Variants in STK24 observed in about 807,000 individuals in gnomAD.
The protein encoded by STK24 is serine/threonine kinase 24.
STK24 carries 21 observed loss-of-function variants against 55.6 expected under a neutral mutation model. The observed-to-expected ratio is 0.38, with a 90% CI of 0.27 to 0.54. STK24 has a LOEUF of 0.54. Ranked by LOEUF, STK24 falls within the 20% of genes least tolerant of loss-of-function variation. STK24 has a pLI of 0.79. For missense variants in STK24, 383 were observed against 538.4 expected, an observed-to-expected ratio of 0.71 and a Z score of 2.86; for synonymous variants, 200 against 215.2, an observed-to-expected ratio of 0.93 and a Z score of 0.62.
Position 98,544,674 on chromosome 13 carries a change from C to G in STK24, c.43-25201G>C, listed in dbSNP as rs1408629851. 5.3e-5 allele frequency among the ~76,000 whole-genome samples: 8 copies of G among 152,206 alleles called. No homozygotes were observed. In the South Asian group the frequency reaches 1.7e-3, roughly 31 times the overall value. ...ATCCACACCGAGGCATGCGGAGACG[C>G]CTCTACAAGGAAAGACAGTGGTGAA... On this transcript the variant is annotated intron_variant, in intron 1 of 10. Coordinates refer to ENST00000539966, the MANE Select transcript of STK24 (RefSeq NM_001032296.4).
At chr13:98,498,291 C>CA (rs1277049275) in intron 2 of STK24, among the ~76,000 whole-genome samples, 9 of 152,236 alleles carry the variant, frequency 5.9e-5, no homozygotes, top group Non-Finnish European at 1.5e-5. Flanking sequence ...TGTCACTGGA[C>CA]AAAGTGGTGA....
intron 1 of STK24, among the ~76,000 whole-genome samples, chr13:98,531,525 A>G (rs1177568974): frequency 6.6e-6 from 1 of 152,182 alleles, no homozygotes; most frequent in Non-Finnish European, 1.5e-5. Context: ...GGACTCCCCC[A>G]GTCAGATCCT....
At chr13:98,542,926 G>A in intron 1 of STK24, 1 of 985,424 alleles carries the variant, frequency 1.0e-6, no homozygotes. Context: ...ACAGGAACGG[G>A]TGTATTTGTG....
intron 2 of STK24, among the ~76,000 whole-genome samples, chr13:98,501,250 GA>G (rs1325271971): frequency 1.3e-5 from 2 of 152,240 alleles, no homozygotes; most frequent in Non-Finnish European, 2.9e-5. Flanking sequence ...GAAACCCCAG[GA>G]GGGGAATCGC....
chr13:98,503,547 G>C (rs1357577180), intron 2 of STK24, among the ~76,000 whole-genome samples: 1 of 152,184 alleles, frequency 6.6e-6, no homozygotes, highest in Admixed American at 6.5e-5. Flanking sequence ...GCAAGGGCAA[G>C]GACTGCGGAC....
At chr13:98,547,773 T>A (rs1296110402) in intron 1 of STK24, among the ~76,000 whole-genome samples, 1 of 152,208 alleles carries the variant, frequency 6.6e-6, no homozygotes, top group African/African-American at 2.4e-5. Context: ...TTCGCCTTAT[T>A]ACCAACTCTT....
At chr13:98,560,271 CT>C (rs1252360954) in intron 1 of STK24, among the ~76,000 whole-genome samples, 1 of 152,224 alleles carries the variant, frequency 6.6e-6, no homozygotes. Context: ...AATATTGCCC[CT>C]GACCCACTTA....
intron 2 of STK24, among the ~76,000 whole-genome samples, chr13:98,518,507 T>TA (rs1486390014): frequency 8.5e-5 from 13 of 152,228 alleles, no homozygotes; most frequent in African/African-American, 2.9e-4. Context: ...AACCCCATTT[T>TA]AAAGGTTACA....
rs553990601 is a variant in STK24, at chr13:98,447,945, G to A, written c.*5228C>T. 32 of 452,870 alleles carry A rather than the reference G, an allele frequency of 7.1e-5. No individual in the cohort carries two copies. The highest frequency in any genetic ancestry group is 1.6e-4 in the East Asian group (4 of 24,616). The allele number at this position is 452,870 out of a possible 1,614,324, so 28.1% of individuals were successfully genotyped here. A position where few individuals can be genotyped will look rare whatever the true frequency, so the allele number is the denominator to read the frequency against. ...CATGTCCATGAAAATAGGAGGTAGC[G>A]TTCTCCCCAGCAACCAGAGGCCACC... On this transcript the variant is annotated 3_prime_UTR_variant, in exon 11 of 11. Transcript: ENST00000539966.
At chr13:98,454,740 CAGCCATCGG>C (rs2139235771) in intron 10 of STK24, 1 of 152,328 alleles carries the variant, frequency 6.6e-6, no homozygotes, top group Non-Finnish European at 1.5e-5. Context: ...GTGGTTTTGG[CAGCCATCGG>C]GGTGAACGCT....
intron 1 of STK24, among the ~76,000 whole-genome samples, chr13:98,558,008 T>C (rs1897319875): frequency 6.6e-6 from 1 of 152,214 alleles, no homozygotes; most frequent in Non-Finnish European, 1.5e-5. Context: ...AGATACTTAA[T>C]TACCCCCTCC....
chr13:98,484,819 G>A (rs1894745374), intron 2 of STK24, among the ~76,000 whole-genome samples: 1 of 152,164 alleles, frequency 6.6e-6, no homozygotes, highest in Non-Finnish European at 1.5e-5. Flanking sequence ...CCCCGCCTCA[G>A]GACCAAGGCC....
intron 1 of STK24, among the ~76,000 whole-genome samples, chr13:98,570,780 A>AG (rs1183133939): frequency 3.9e-5 from 6 of 152,196 alleles, no homozygotes; most frequent in Non-Finnish European, 8.8e-5. Context: ...CACCCTCAGG[A>AG]GGCAGGTTAT....
At chr13:98,539,572 A>G (rs80163183) in intron 1 of STK24, among the ~76,000 whole-genome samples, 1 of 10,872 alleles carries the variant, frequency 9.2e-5, no homozygotes, top group South Asian at 1.6e-3. Flanking sequence ...ATTTAAAAAC[A>G]AAAAAAAAAG....
At chr13:98,520,992 A>T (rs1302955464) in intron 1 of STK24, among the ~76,000 whole-genome samples, 2 of 152,248 alleles carry the variant, frequency 1.3e-5, no homozygotes, top group East Asian at 3.8e-4. Context: ...CGTGGTGGAC[A>T]TATACCCAAC....
At chr13:98,543,879 C>T (rs188075157) in intron 1 of STK24, among the ~76,000 whole-genome samples, 9 of 152,328 alleles carry the variant, frequency 5.9e-5, no homozygotes, top group African/African-American at 1.4e-4. Context: ...AAACCACATG[C>T]TATACAAAAG....
At chr13:98,490,849 G>C (rs931707360) in intron 2 of STK24, among the ~76,000 whole-genome samples, 2 of 148,742 alleles carry the variant, frequency 1.3e-5, no homozygotes, top group African/African-American at 2.5e-5. Flanking sequence ...AAAAAAAACA[G>C]AACACTGGAG....
chr13:98,563,515 T>G (rs967933820), intron 1 of STK24, among the ~76,000 whole-genome samples: 1 of 152,176 alleles, frequency 6.6e-6, no homozygotes, highest in African/African-American at 2.4e-5. Context: ...GTCAATCCCC[T>G]AAGTCTGTAT....
intron 6 of STK24, among the ~76,000 whole-genome samples, chr13:98,465,263 C>A (rs1433268824): frequency 6.6e-6 from 1 of 152,240 alleles, no homozygotes; most frequent in Non-Finnish European, 1.5e-5. Flanking sequence ...TGGATCACCT[C>A]AAGTATTCTC....
Sources: gnomAD v4.1 joint callset for allele counts (sites outside exome capture counted in the v4.1 genomes callset) on GRCh38, gnomAD v4.1.1 for gene constraint, MANE v1.5 for transcripts, NCBI Gene and HGNC (gene_info 2026-07-23, HGNC 2026-07-21) for gene names.